LYZL4: variants seen among roughly 807,000 people sequenced by gnomAD.
LYZL4 encodes the protein lysozyme like 4, also known as lysozyme-like protein 4.
LYZL4 carries 13 observed loss-of-function variants against 17.6 expected under a neutral mutation model. That is an observed-to-expected ratio of 0.74 (90% CI 0.48 to 1.18). LYZL4 has a LOEUF of 1.18. Among genes scored for constraint, LYZL4 ranks in the 50% most tolerant of loss-of-function variants. LYZL4 has a pLI of 0.00. For synonymous variants in LYZL4, 64 were observed against 67.7 expected, an observed-to-expected ratio of 0.95 and a Z score of 0.27; for missense variants, 174 against 188.2, an observed-to-expected ratio of 0.92 and a Z score of 0.44.
the LYZL4 span, among the ~76,000 whole-genome samples, chr3:42,387,998 A>C: frequency 6.6e-6 from 1 of 152,140 alleles, no homozygotes; most frequent in Non-Finnish European, 1.5e-5. Context: ...TGCAACCACA[A>C]GGTCGGTCAT....
chr3:42,406,739 C>T, intron 3 of LYZL4, 107 bp downstream of exon 3: 1 of 1,409,328 alleles, frequency 7.1e-7, no homozygotes, highest in Non-Finnish European at 9.7e-7. Flanking sequence ...TCCTGCCACA[C>T]CCTCTTCTTT....
intron 4 of LYZL4, among the ~76,000 whole-genome samples, chr3:42,399,632 C>T (rs1018303880): frequency 6.6e-6 from 1 of 152,106 alleles, no homozygotes; most frequent in Non-Finnish European, 1.5e-5. Context: ...TCTGTGGGTA[C>T]ATTTTTCTCT....
At chr3:42,380,168 A>C in the LYZL4 span, among the ~76,000 whole-genome samples, 105 of 152,324 alleles carry the variant, frequency 6.9e-4, 2 homozygotes, top group South Asian at 0.02. Flanking sequence ...AGTGGCTGGA[A>C]CCTAAGACAG....
chr3:42,380,011 G>A, the LYZL4 span, among the ~76,000 whole-genome samples: 2 of 152,232 alleles, frequency 1.3e-5, no homozygotes, highest in Non-Finnish European at 2.9e-5. Context: ...GAAAGTGTAA[G>A]CAATTGATGG....
chr3:42,409,187 C>T (rs1698817725), intron 1 of LYZL4, among the ~76,000 whole-genome samples: 1 of 152,168 alleles, frequency 6.6e-6, no homozygotes, highest in African/African-American at 2.4e-5. Context: ...AGACAAATTG[C>T]TCAACCTCTT....
chr3:42,402,472 G>C (rs925088308), intron 4 of LYZL4, among the ~76,000 whole-genome samples: 1 of 152,052 alleles, frequency 6.6e-6, no homozygotes, highest in African/African-American at 2.4e-5. Context: ...CAGCACAATA[G>C]AAAAATTGAC....
At chr3:42,386,409 C>G in the LYZL4 span, among the ~76,000 whole-genome samples, 3 of 136,638 alleles carry the variant, frequency 2.2e-5, no homozygotes, top group Non-Finnish European at 3.2e-5. Flanking sequence ...CCCCCCCCCC[C>G]CCCGCCTCCC....
chr3:42,373,915 T>C, the LYZL4 span, among the ~76,000 whole-genome samples: 1 of 152,148 alleles, frequency 6.6e-6, no homozygotes, highest in Non-Finnish European at 1.5e-5. Context: ...TATGTATATA[T>C]ATATGGGTTA....
chr3:42,407,295 A>T lies in LYZL4; in HGVS notation c.-44T>A. 1 of 1,604,230 alleles carries T rather than the reference A, an allele frequency of 6.2e-7. No homozygotes were observed. Among genetic ancestry groups the T allele is most frequent in the Non-Finnish European group, 8.5e-7 (1 of 1,174,342 alleles). On this transcript the variant is annotated 5_prime_UTR_variant, in exon 2 of 5. Transcript: ENST00000287748. ...AGGTCAGGGCAACGGTGGCCAGATGAGTGGGTGGAGTCACAGGGACACTGG... is the reference window on the plus strand; with the variant it reads ...AGGTCAGGGCAACGGTGGCCAGATGTGTGGGTGGAGTCACAGGGACACTGG...
the LYZL4 span, among the ~76,000 whole-genome samples, chr3:42,375,953 G>A: frequency 6.6e-6 from 1 of 152,102 alleles, no homozygotes; most frequent in African/African-American, 2.4e-5. Flanking sequence ...ATGATTCTGA[G>A]GTGTGTATCG....
the LYZL4 span, among the ~76,000 whole-genome samples, chr3:42,364,341 C>CTTTTTTT: frequency 1.7e-4 from 20 of 119,878 alleles, no homozygotes; most frequent in Admixed American, 2.8e-4. Context: ...TTTTTCTTTT[C>CTTTTTTT]TTTTTTTTTT....
chr3:42,394,184 T>G (rs1051331459), downstream of LYZL4, among the ~76,000 whole-genome samples: 1 of 152,216 alleles, frequency 6.6e-6, no homozygotes, highest in Non-Finnish European at 1.5e-5. Flanking sequence ...TTGAGAAAAT[T>G]CACTCAATTT....
chr3:42,384,078 C>A, the LYZL4 span, among the ~76,000 whole-genome samples: 3 of 152,122 alleles, frequency 2.0e-5, no homozygotes, highest in Non-Finnish European at 4.4e-5. Flanking sequence ...GTGTTAGAGA[C>A]AATCCTACAA....
chr3:42,369,999 C>G, the LYZL4 span, among the ~76,000 whole-genome samples: 1 of 152,122 alleles, frequency 6.6e-6, no homozygotes, highest in African/African-American at 2.4e-5. Context: ...CTGGGTAACA[C>G]AGCAAGACCC....
chr3:42,392,826 A>G (rs62247324), downstream of LYZL4, among the ~76,000 whole-genome samples: 3,316 of 152,294 alleles, frequency 0.022, 36 homozygotes, highest in Middle Eastern at 0.027. Flanking sequence ...GGTGGCGTTC[A>G]AAGAGTGGGG....
At chr3:42,398,509 A>AC (rs1474522221) in intron 4 of LYZL4, among the ~76,000 whole-genome samples, 1 of 152,248 alleles carries the variant, frequency 6.6e-6, no homozygotes, top group Admixed American at 6.5e-5. Flanking sequence ...GGGGACTTTC[A>AC]CTTTAAAATT....
chr3:42,389,508 G>A, the LYZL4 span, among the ~76,000 whole-genome samples: 1,794 of 152,266 alleles, frequency 0.012, 43 homozygotes, highest in Non-Finnish European at 0.013. Context: ...CTAATTCCAC[G>A]GAGCCTCTGG....
chr3:42,382,507 G>C, the LYZL4 span, among the ~76,000 whole-genome samples: 2 of 151,784 alleles, frequency 1.3e-5, no homozygotes, highest in Non-Finnish European at 2.9e-5. Context: ...AGCGTGTATT[G>C]ACTATTGAGT....
intron 4 of LYZL4, among the ~76,000 whole-genome samples, chr3:42,398,260 G>T (rs1698589965): frequency 6.6e-6 from 1 of 152,194 alleles, no homozygotes; most frequent in African/African-American, 2.4e-5. Context: ...GACCAACCGA[G>T]CTTTGGAGAA....
Sources: gnomAD v4.1 joint callset for allele counts (sites outside exome capture counted in the v4.1 genomes callset) on GRCh38, gnomAD v4.1.1 for gene constraint, MANE v1.5 for transcripts, NCBI Gene and HGNC (gene_info 2026-07-23, HGNC 2026-07-21) for gene names.